Variants in CTNNA3 observed in about 807,000 individuals in gnomAD.
CTNNA3 encodes the protein catenin alpha 3, also known as catenin alpha-3.
A neutral mutation model predicts 95.7 loss-of-function variants in CTNNA3; 76 were observed. The observed-to-expected ratio is 0.79, with a 90% CI of 0.66 to 0.96. The LOEUF (loss-of-function observed/expected upper bound fraction) is 0.96, where lower values mean the gene tolerates loss of function less well. Among genes scored for constraint, CTNNA3 ranks in the 40% least tolerant of loss-of-function variants. The probability of loss-of-function intolerance (pLI) is 0.00; values close to 1 mark genes in which losing one functional copy is unlikely to be tolerated. For synonymous variants in CTNNA3, 431 were observed against 374.4 expected (o/e 1.15, Z -1.74); for missense variants, 1,191 against 1,089.8 (o/e 1.09, Z -1.31).
chr10:65,966,550 T>C lies in CTNNA3; in HGVS notation c.2400+62A>G, dbSNP rs185512121. The C allele has an allele frequency of 9.9e-6, 14 of 1,410,908 alleles. No individual in the cohort carries two copies. The African/African-American group carries it at 1.3e-4, about 13-fold the overall frequency. 87.4% of individuals were successfully genotyped at this position (1,410,908 alleles called of 1,614,324 possible). A position where few individuals can be genotyped will look rare whatever the true frequency, so the allele number is the denominator to read the frequency against. Reference sequence around the variant, plus strand: ...AAAGATTTGGTCATGTAAACAAGGGTGTAGTTACTCTGTTTCAAGCATCTT... The same window carrying C: ...AAAGATTTGGTCATGTAAACAAGGGCGTAGTTACTCTGTTTCAAGCATCTT... On this transcript the variant is annotated intron_variant, in intron 17 of 17. Coordinates refer to ENST00000433211, the MANE Select transcript of CTNNA3 (RefSeq NM_013266.4).
At chr10:67,490,801 A>C (rs1030288980) in intron 5 of CTNNA3, among the ~76,000 whole-genome samples, 7 of 152,232 alleles carry the variant, frequency 4.6e-5, no homozygotes, top group Non-Finnish European at 1.0e-4. Flanking sequence ...TGGGAGAGAG[A>C]AGGGTAACAA....
rs186564874 is a variant in CTNNA3 at position 67,564,131 on chromosome 10, T to A, written c.293-24462A>T. ...CTAGAAATACCATTTGACCCAGTGA[T>A]CCCATTACTGGGTATATACCCAAAG... On this transcript the variant is annotated intron_variant, in intron 3 of 17. Transcript: ENST00000433211. Among the ~76,000 whole-genome samples the A allele has an allele frequency of 2.0e-5, 3 of 149,752 alleles. 1 individual carries two copies. The highest frequency in any genetic ancestry group is 7.4e-5 in the African/African-American group (3 of 40,356).
chr10:66,098,890 A>G (rs2081504647), intron 14 of CTNNA3: 1 of 152,192 alleles, frequency 6.6e-6, no homozygotes, highest in Admixed American at 6.5e-5. Flanking sequence ...TTCGTAAGTC[A>G]TGCATTATTG....
intron 13 of CTNNA3, among the ~76,000 whole-genome samples, chr10:66,194,674 A>G (rs2086859118): frequency 6.6e-6 from 1 of 152,234 alleles, no homozygotes; most frequent in African/African-American, 2.4e-5. Context: ...GGAAAAGGAC[A>G]ATATCGACTG....
At chr10:66,079,004 A>C (rs940138173) in intron 14 of CTNNA3, 2 of 152,002 alleles carry the variant, frequency 1.3e-5, no homozygotes, top group Admixed American at 1.3e-4. Flanking sequence ...AAGGTGTATT[A>C]GTCTGACCAC....
At chr10:66,833,025 G>T (rs1480021677) in intron 7 of CTNNA3, among the ~76,000 whole-genome samples, 1 of 152,172 alleles carries the variant, frequency 6.6e-6, no homozygotes, top group Non-Finnish European at 1.5e-5. Flanking sequence ...TTGTGCGATA[G>T]ATTATTTTTA....
chr10:67,083,225 A>C (rs1005166426), intron 7 of CTNNA3, among the ~76,000 whole-genome samples: 3 of 152,224 alleles, frequency 2.0e-5, no homozygotes, highest in Non-Finnish European at 4.4e-5. Context: ...TCAAGTAAAA[A>C]GAAAGTGTCT....
chr10:67,336,721 A>G (rs952967096), intron 5 of CTNNA3, among the ~76,000 whole-genome samples: 6 of 152,210 alleles, frequency 3.9e-5, no homozygotes, highest in East Asian at 1.9e-4. Flanking sequence ...AAAGTCATCA[A>G]CTTAATTGAA....
At chr10:65,949,610 GA>G (rs1353162624) in intron 17 of CTNNA3, among the ~76,000 whole-genome samples, 1 of 152,152 alleles carries the variant, frequency 6.6e-6, no homozygotes, top group East Asian at 1.9e-4. Flanking sequence ...GAACTAATAA[GA>G]AAATTATTAA....
At chr10:66,777,424 G>T (rs1047831884) in intron 7 of CTNNA3, among the ~76,000 whole-genome samples, 4 of 151,744 alleles carry the variant, frequency 2.6e-5, no homozygotes, top group Non-Finnish European at 5.9e-5. Flanking sequence ...AAATAGGAGA[G>T]ATTTGGTTAG....
chr10:66,059,644 A>G (rs557291238), intron 15 of CTNNA3, among the ~76,000 whole-genome samples: 34 of 152,158 alleles, frequency 2.2e-4, no homozygotes, highest in South Asian at 6.2e-4. Context: ...CTCTGGCTCT[A>G]AATTCTCCAC....
At chr10:67,010,063 T>C (rs960252538) in intron 7 of CTNNA3, among the ~76,000 whole-genome samples, 23 of 152,192 alleles carry the variant, frequency 1.5e-4, no homozygotes, top group Admixed American at 1.5e-3. Flanking sequence ...GAGTCAGGGC[T>C]CTTTAGAACC....
intron 13 of CTNNA3, among the ~76,000 whole-genome samples, chr10:66,194,567 A>G (rs943294234): frequency 2.4e-4 from 37 of 152,310 alleles, no homozygotes; most frequent in African/African-American, 8.9e-4. Flanking sequence ...TGACAGAGAG[A>G]GAGACTCCAT....
chr10:66,938,926 C>T (rs1285288359), intron 7 of CTNNA3, among the ~76,000 whole-genome samples: 1 of 152,256 alleles, frequency 6.6e-6, no homozygotes, highest in East Asian at 1.9e-4. Context: ...TGTGATCTCT[C>T]CCCGTCCACA....
intron 1 of CTNNA3, among the ~76,000 whole-genome samples, chr10:67,654,486 C>G (rs1839964639): frequency 7.0e-6 from 1 of 142,674 alleles, no homozygotes; most frequent in Non-Finnish European, 1.5e-5. Context: ...TCATGTTATT[C>G]CACTTTTTTT....
intron 7 of CTNNA3, among the ~76,000 whole-genome samples, chr10:66,874,781 A>G (rs1168134309): frequency 6.6e-6 from 1 of 152,218 alleles, no homozygotes; most frequent in Non-Finnish European, 1.5e-5. Flanking sequence ...TGTCTCTTAA[A>G]AACAAACAAA....
At chr10:67,636,119 A>C (rs183880841) in intron 2 of CTNNA3, among the ~76,000 whole-genome samples, 6 of 152,302 alleles carry the variant, frequency 3.9e-5, no homozygotes, top group Non-Finnish European at 8.8e-5. Context: ...AGGGAAGTGA[A>C]AGCCTTCTTC....
At chr10:66,318,276 A>ATATATGTGTGTGTGTGTGTG (rs33943741) in intron 12 of CTNNA3, among the ~76,000 whole-genome samples, 3 of 136,602 alleles carry the variant, frequency 2.2e-5, no homozygotes, top group East Asian at 2.2e-4. Context: ...ATATATATAT[A>ATATATGTGTGTGTGTGTGTG]TGTGTGTGTG....
At chr10:66,111,101 T>C (rs1429493520) in intron 13 of CTNNA3, among the ~76,000 whole-genome samples, 1 of 152,210 alleles carries the variant, frequency 6.6e-6, no homozygotes, top group African/African-American at 2.4e-5. Context: ...TTATCCACAG[T>C]GCTGAGGGAG....
Sources: allele counts gnomAD v4.1 joint callset (sites outside exome capture counted in the v4.1 genomes callset), GRCh38; gene constraint gnomAD v4.1.1; transcripts MANE v1.5; gene names NCBI Gene and HGNC (gene_info 2026-07-23, HGNC 2026-07-21).